Variants in EXT2 observed in about 807,000 individuals in gnomAD.
EXT2 encodes the protein exostosin-2.
A neutral mutation model predicts 81.6 loss-of-function variants in EXT2; 53 were observed. The observed-to-expected ratio is 0.65, with a 90% confidence interval of 0.52 to 0.82. The LOEUF (loss-of-function observed/expected upper bound fraction) is 0.82. EXT2 is among the 40% of genes least tolerant of loss of function. The probability of loss-of-function intolerance (pLI) is 0.00; values close to 1 mark genes in which losing one functional copy is unlikely to be tolerated. For synonymous variants in EXT2, 320 were observed against 340.0 expected (o/e 0.94, Z 0.65); for missense variants, 774 against 910.2 (o/e 0.85, Z 1.93).
chr11:44,166,755 G>C (rs1954999809), intron 7 of EXT2, among the ~76,000 whole-genome samples: 1 of 152,126 alleles, frequency 6.6e-6, no homozygotes, highest in Non-Finnish European at 1.5e-5. Context: ...AATCCAAATA[G>C]CCTCTGGTTT....
chr11:44,102,069 C>T (rs1184328159), intron 1 of EXT2, among the ~76,000 whole-genome samples: 1 of 152,150 alleles, frequency 6.6e-6, no homozygotes, highest in Non-Finnish European at 1.5e-5. Context: ...GACCCATATC[C>T]CATGGATTGA....
intron 7 of EXT2, among the ~76,000 whole-genome samples, chr11:44,170,126 A>G (rs1955050377): frequency 6.6e-6 from 1 of 152,210 alleles, no homozygotes; most frequent in Non-Finnish European, 1.5e-5. Context: ...GTTTAAATAA[A>G]TTGCAAAGTA....
chr11:44,184,561 C>G (rs1352102748), intron 8 of EXT2, among the ~76,000 whole-genome samples: 1 of 152,026 alleles, frequency 6.6e-6, no homozygotes, highest in African/African-American at 2.4e-5. Flanking sequence ...ACCATCCTGG[C>G]TAACAAGGTG....
At chr11:44,154,241 TTCTA>T (rs1477039696) in intron 7 of EXT2, among the ~76,000 whole-genome samples, 1 of 152,154 alleles carries the variant, frequency 6.6e-6, no homozygotes, top group Non-Finnish European at 1.5e-5. Context: ...ATCTTATTTA[TTCTA>T]TCTAACTATA....
intron 13 of EXT2, among the ~76,000 whole-genome samples, chr11:44,239,427 T>G (rs144177313): frequency 1.4e-5 from 2 of 138,102 alleles, no homozygotes; most frequent in Admixed American, 1.6e-4. Context: ...ATAGTCTCAC[T>G]CTCTTGCCAG....
intron 13 of EXT2, among the ~76,000 whole-genome samples, chr11:44,238,060 G>A (rs1590671104): frequency 6.6e-6 from 1 of 152,122 alleles, no homozygotes; most frequent in Non-Finnish European, 1.5e-5. Context: ...TTGCACTCCA[G>A]CCTGGGCAAC....
chr11:44,141,832 C>T (rs1954650044), intron 7 of EXT2, among the ~76,000 whole-genome samples: 1 of 152,156 alleles, frequency 6.6e-6, no homozygotes, highest in South Asian at 2.1e-4. Context: ...TCTCTGATTA[C>T]TTGGGGCTGG....
At chr11:44,108,283 A>C in intron 2 of EXT2, 35 bp downstream of exon 2, 1 of 1,601,788 alleles carries the variant, frequency 6.2e-7, no homozygotes, top group Non-Finnish European at 8.5e-7. Flanking sequence ...CCCCCAGGAG[A>C]TACTTGAGTG....
chr11:44,237,902 TAAAAAAAAAAAAA>T (rs374084527), intron 13 of EXT2, among the ~76,000 whole-genome samples: 5 of 56,364 alleles, frequency 8.9e-5, no homozygotes, highest in African/African-American at 1.5e-4. Flanking sequence ...CGTCTCTACT[TAAAAAAAAAAAAA>T]AAAAAAAAAA....
At position 44,206,906 on chromosome 11, in the gene EXT2, AT is replaced by A. The variant is rs1955590187; in HGVS notation, c.1611del (p.Ile537MetfsTer8). The A allele has an allele frequency of 6.2e-7, 1 of 1,614,068 alleles. No individual in the cohort carries two copies. The highest frequency in any genetic ancestry group is 8.5e-7 in the Non-Finnish European group (1 of 1,180,032). ...AATCGAGACAGAAGCTGTTCTGGCC[AT>A]TGATGATGATATCATTATGCTGACC... ...DEIETEAVLA[I>X]DDDIIMLTSD... On this transcript the variant is annotated frameshift_variant, in exon 10 of 14. Transcript: ENST00000533608. LOFTEE classifies it high-confidence loss of function.
At chr11:44,131,899 G>A (rs746247414) in intron 7 of EXT2, among the ~76,000 whole-genome samples, 2 of 152,048 alleles carry the variant, frequency 1.3e-5, no homozygotes, top group Admixed American at 6.5e-5. Context: ...CACCATGCCC[G>A]GCTAATTTTG....
At chr11:44,230,313 C>T (rs2135255005) in intron 10 of EXT2, among the ~76,000 whole-genome samples, 1 of 152,228 alleles carries the variant, frequency 6.6e-6, no homozygotes, top group Middle Eastern at 3.4e-3. Flanking sequence ...TGGATGGGCC[C>T]TCTGTGACAT....
At chr11:44,227,239 AAGGTAGT>A (rs1955847631) in intron 10 of EXT2, among the ~76,000 whole-genome samples, 1 of 152,234 alleles carries the variant, frequency 6.6e-6, no homozygotes, top group Non-Finnish European at 1.5e-5. Flanking sequence ...GCTGGCTTAG[AAGGTAGT>A]GCATTAACTT....
intron 8 of EXT2, among the ~76,000 whole-genome samples, chr11:44,181,032 C>T (rs4633459): frequency 0.018 from 2,705 of 151,520 alleles, 88 homozygotes; most frequent in African/African-American, 0.061. Context: ...AGCCAGGAGG[C>T]GGAGGTTGCA....
chr11:44,234,600 T>G (rs1449234321), intron 12 of EXT2, among the ~76,000 whole-genome samples: 2 of 7,014 alleles, frequency 2.9e-4, no homozygotes, highest in Non-Finnish European at 6.3e-4. Flanking sequence ...AGGTAGCTGG[T>G]TTTTTTTTTA....
chr11:44,176,953 CGA>C (rs1171577995), intron 8 of EXT2, among the ~76,000 whole-genome samples: 30 of 148,944 alleles, frequency 2.0e-4, no homozygotes, highest in African/African-American at 7.2e-4. Context: ...CTACGTGTGT[CGA>C]TGATTATGAC....
intron 10 of EXT2, among the ~76,000 whole-genome samples, 198 bp downstream of exon 10, chr11:44,207,157 T>C (rs759125249): frequency 5.3e-5 from 8 of 152,220 alleles, no homozygotes; most frequent in Non-Finnish European, 1.5e-5. Flanking sequence ...TATTCCAAAA[T>C]GGCAACTGTG....
At position 44,173,691 on chromosome 11, in the gene EXT2, C is replaced by T. The variant is rs550185488; in HGVS notation, c.1305+1949C>T. 4.6e-5 allele frequency among the ~76,000 whole-genome samples: 7 copies of T among 151,258 alleles called. No homozygotes were observed. The East Asian group carries it at 1.4e-3, about 29-fold the overall frequency. On this transcript the variant is annotated intron_variant, in intron 8 of 13. Transcript: ENST00000533608. Reference sequence around the variant, plus strand: ...TCACACCATTCTCCTGCCTCAGCCTCCCGAGTAGCTGGGACTACAGGCGCC... The same window carrying T: ...TCACACCATTCTCCTGCCTCAGCCTTCCGAGTAGCTGGGACTACAGGCGCC...
intron 8 of EXT2, among the ~76,000 whole-genome samples, chr11:44,188,749 G>A (rs536784002): frequency 2.6e-4 from 39 of 152,262 alleles, no homozygotes; most frequent in Middle Eastern, 3.4e-3. Context: ...TCAGAATGCA[G>A]CCCAAAGAGA....
Sources: allele counts gnomAD v4.1 joint callset (sites outside exome capture counted in the v4.1 genomes callset), GRCh38; gene constraint gnomAD v4.1.1; transcripts MANE v1.5; gene names NCBI Gene and HGNC (gene_info 2026-07-23, HGNC 2026-07-21).